Variants in IQGAP3 observed in about 807,000 individuals in gnomAD.
The protein encoded by IQGAP3 is ras GTPase-activating-like protein IQGAP3.
A neutral mutation model predicts 208.2 loss-of-function variants in IQGAP3; 165 were observed. The observed-to-expected ratio is 0.79, with a 90% CI of 0.70 to 0.90. The LOEUF (loss-of-function observed/expected upper bound fraction) is 0.90. Among genes scored for constraint, IQGAP3 ranks in the 40% least tolerant of loss-of-function variants. The pLI, the probability that IQGAP3 is intolerant of heterozygous loss-of-function variation, is 0.00. For synonymous variants in IQGAP3, 703 were observed against 803.6 expected (o/e 0.87, Z 2.12); for missense variants, 1,811 against 2,043.1 (o/e 0.89, Z 2.19).
chr1:156,542,413 C>G (rs1366452578), intron 22 of IQGAP3, among the ~76,000 whole-genome samples: 1 of 152,056 alleles, frequency 6.6e-6, no homozygotes, highest in Non-Finnish European at 1.5e-5. Context: ...TGGTCTTAAA[C>G]TCCTGACCTC....
chr1:156,532,902 G>A (rs911653104), intron 32 of IQGAP3, 78 bp downstream of exon 32: 17 of 1,517,116 alleles, frequency 1.1e-5, no homozygotes, highest in African/African-American at 5.5e-5. Flanking sequence ...TGGAATGGGC[G>A]CCTCAGAATA....
intron 10 of IQGAP3, 48 bp from the exon 11 acceptor site, chr1:156,561,069 G>T: frequency 7.1e-7 from 1 of 1,399,956 alleles, no homozygotes; most frequent in South Asian, 1.2e-5. Flanking sequence ...CCGGGGCCAT[G>T]ACCATGCTTT....
rs1674863811 is a variant in IQGAP3 at position 156,539,306 on chromosome 1, G to A, written c.3056+68C>T. Reference sequence around the variant, plus strand: ...TTAGGCCTCAACAAGTTGTCACCTTGTGAAGGAGCCAACAGGGGGATCTCT... The same window carrying A: ...TTAGGCCTCAACAAGTTGTCACCTTATGAAGGAGCCAACAGGGGGATCTCT... On this transcript the variant is annotated intron_variant, in intron 25 of 37. Coordinates refer to ENST00000361170, the MANE Select transcript of IQGAP3 (RefSeq NM_178229.5). The A allele has an allele frequency of 4.8e-6, 7 of 1,459,304 alleles. No homozygotes were observed. The South Asian group carries it at 4.8e-5, about 10-fold the overall frequency. The allele number at this position is 1,459,304 out of a possible 1,614,324, so 90.4% of individuals were successfully genotyped here.
intron 9 of IQGAP3, among the ~76,000 whole-genome samples, chr1:156,562,298 T>G (rs537463720): frequency 6.6e-6 from 1 of 151,354 alleles, no homozygotes; most frequent in Non-Finnish European, 1.5e-5. Flanking sequence ...TTCTCCACAT[T>G]GCCCCTCTCG....
intron 32 of IQGAP3, 26 bp from the exon 33 acceptor site, chr1:156,531,273 G>A: frequency 1.9e-6 from 3 of 1,583,398 alleles, no homozygotes; most frequent in Non-Finnish European, 2.6e-6. Context: ...AGTGACAGAG[G>A]AGAGGTAAGG....
In IQGAP3 at chr1:156,569,276, T is replaced by C. The variant is rs959044923; in HGVS notation, c.125+100A>G. 2.9e-5 allele frequency: 21 copies of C among 724,984 alleles called. 1 individual carries two copies. In the South Asian group the frequency reaches 3.4e-4, roughly 12 times the overall value. The allele number at this position is 724,984 out of a possible 1,614,324, so 44.9% of individuals were successfully genotyped here. A position where few individuals can be genotyped will look rare whatever the true frequency, so the allele number is the denominator to read the frequency against. ...TTTCAACTCGCCCTTTCCCACAGGATGGACTCTCGATCTGTTGCATTTGCT... is the reference window on the plus strand; with the variant it reads ...TTTCAACTCGCCCTTTCCCACAGGACGGACTCTCGATCTGTTGCATTTGCT... On this transcript the variant is annotated intron_variant, in intron 2 of 37. Coordinates refer to ENST00000361170, the MANE Select transcript of IQGAP3 (RefSeq NM_178229.5).
At chr1:156,551,222 G>T (rs1225017164) in intron 15 of IQGAP3, among the ~76,000 whole-genome samples, 1 of 152,120 alleles carries the variant, frequency 6.6e-6, no homozygotes, top group Non-Finnish European at 1.5e-5. Flanking sequence ...TAAGTAACAC[G>T]TGCAGGGTCA....
Position 156,534,722 on chromosome 1 carries a change from G to T in IQGAP3, c.3519C>A (p.Asn1173Lys). Residue 1173 changes from asparagine to lysine, a missense_variant, in exon 29 of 38, where the codon AAC (asparagine) becomes AAA (lysine). Transcript: ENST00000361170. Reference protein sequence around the residue: ...TDSEVYKVVGNLLYYRFLNPA... With the variant: ...TDSEVYKVVGKLLYYRFLNPA... The stretch of plus-strand genomic sequence containing the variant: ...GGTTCAGGAAGCGGTAGTACAGGAG[G>T]TTCCCGACCACCTGAGGGCAAAGGA... 3 of 1,568,666 alleles carry T rather than the reference G, an allele frequency of 1.9e-6. No individual in the cohort carries two copies. The highest frequency in any genetic ancestry group is 2.3e-5 in the East Asian group (1 of 43,766).
intron 34 of IQGAP3, among the ~76,000 whole-genome samples, chr1:156,529,564 T>A (rs1039514755): frequency 6.6e-6 from 1 of 152,018 alleles, no homozygotes; most frequent in Non-Finnish European, 1.5e-5. Flanking sequence ...GTGGGCAGAT[T>A]ACTTGAGGTC....
At chr1:156,529,285 C>T (rs1267221960) in intron 34 of IQGAP3, among the ~76,000 whole-genome samples, 1 of 152,230 alleles carries the variant, frequency 6.6e-6, no homozygotes, top group Non-Finnish European at 1.5e-5. Flanking sequence ...TGAGGACTAA[C>T]TGGTTTCAAG....
intron 32 of IQGAP3, among the ~76,000 whole-genome samples, chr1:156,532,211 AC>A (rs1184151750): frequency 6.6e-6 from 1 of 151,426 alleles, no homozygotes; most frequent in Non-Finnish European, 1.5e-5. Flanking sequence ...ACATGGTGAA[AC>A]CCCATCTCTA....
intron 31 of IQGAP3, 40 bp from the exon 32 acceptor site, chr1:156,533,146 C>T (rs973374314): frequency 3.7e-6 from 6 of 1,611,224 alleles, no homozygotes; most frequent in African/African-American, 1.3e-5. Flanking sequence ...CAGGCATACA[C>T]ACACACATGC....
intron 14 of IQGAP3, 28 bp downstream of exon 14, chr1:156,551,946 T>C (rs777299436): frequency 1.2e-6 from 2 of 1,608,268 alleles, no homozygotes; most frequent in South Asian, 1.1e-5. Context: ...AGTTGGGCCA[T>C]CTCCACCCAG....
chr1:156,537,305 C>G lies in IQGAP3; in HGVS notation c.3298G>C (p.Val1100Leu). ...TGQRSHLPYD[V>L]TPEQALSHPE... The stretch of plus-strand genomic sequence containing the variant: ...TGGCTCAAGGCCTGCTCCGGGGTGA[C>G]ATCATATGGGAGATGGCTATGAGCA... The change falls in exon 27 of 38, where the codon GTC becomes CTC. Residue 1100 changes from valine to leucine, a missense_variant. Coordinates refer to ENST00000361170, the MANE Select transcript of IQGAP3 (RefSeq NM_178229.5). The G allele has an allele frequency of 6.2e-7, 1 of 1,613,360 alleles. No individual in the cohort carries two copies. The highest frequency in any genetic ancestry group is 8.5e-7 in the Non-Finnish European group (1 of 1,179,634).
chr1:156,539,842 A>G lies in IQGAP3; in HGVS notation c.2888T>C (p.Leu963Pro). Residue 963 changes from leucine (L) to proline (P), a missense_variant, in exon 24 of 38, where the codon CTC (leucine) becomes CCC (proline). Leu to Pro is a moderately conservative substitution (Grantham distance 98). Coordinates refer to ENST00000361170, the MANE Select transcript of IQGAP3 (RefSeq NM_178229.5). Reference protein sequence around the residue: ...LEAYQHLFYLLQTQPIYLAKL... With the variant: ...LEAYQHLFYLPQTQPIYLAKL... ...CTTGGAAAGTCCTCTGCTAACCTGG[A>G]GCAGGTAGAAGAGGTGTTGGTATGC... 1.2e-6 allele frequency: 2 copies of G among 1,614,130 alleles called. No individual in the cohort carries two copies. Among genetic ancestry groups the G allele is most frequent in the Non-Finnish European group, 8.5e-7 (1 of 1,179,988 alleles).
rs1296597890 is a variant in IQGAP3, at chr1:156,526,492, C to A, written c.4890G>T (p.Arg1630=). Residue 1630 remains arginine, a synonymous_variant, in exon 38 of 38, where the codon CGG becomes CGT. Transcript: ENST00000361170. ...GTAGCACCCTTTGCCTCTGTCACTTCCGCAAAAACTTCTTGTTGAGGAGGA... is the reference window on the plus strand; with the variant it reads ...GTAGCACCCTTTGCCTCTGTCACTTACGCAAAAACTTCTTGTTGAGGAGGA... ...LIFLLNKKFL[R]K 2 of 1,611,754 alleles carry A rather than the reference C, an allele frequency of 1.2e-6. No homozygotes were observed. The highest frequency in any genetic ancestry group is 1.7e-6 in the Non-Finnish European group (2 of 1,177,808).
chr1:156,562,787 T>C (rs1443788125), intron 8 of IQGAP3, 122 bp from the exon 9 acceptor site: 15 of 889,246 alleles, frequency 1.7e-5, no homozygotes, highest in Non-Finnish European at 2.6e-5. Context: ...AAGTTCAGTC[T>C]GCTCAGAATT....
rs766870673 is a variant in IQGAP3 at position 156,563,770 on chromosome 1, T to C, written c.492A>G (p.Lys164=). ...AGCTGGGCTTACCTGTGAATTTCACTTTCCCGTATAGATCATGTATCTGAG... is the reference window on the plus strand; with the variant it reads ...AGCTGGGCTTACCTGTGAATTTCACCTTCCCGTATAGATCATGTATCTGAG... ...LAPQIHDLYG[K]VKFTAEELSN... Residue 164 remains lysine (K), a synonymous_variant, in exon 6 of 38, where the codon AAA becomes AAG. Transcript: ENST00000361170. 20 of 1,613,970 alleles carry C rather than the reference T, an allele frequency of 1.2e-5. No homozygotes were observed. The South Asian group carries it at 2.1e-4, about 17-fold the overall frequency.
rs1239833555 is a variant in IQGAP3 at position 156,556,556 on chromosome 1, C to T, written c.1267G>A (p.Ala423Thr). ...ACCCCCTGCTGCTGCTGGAGCACTG[C>T]CAGCTCCAGCTGGTACATAGACGAT... is the stretch of plus-strand genomic sequence containing the variant. Reference protein sequence around the residue: ...VASSMYQLELAVLQQQQGELG... With the variant: ...VASSMYQLELTVLQQQQGELG... Residue 423 changes from alanine to threonine, a missense_variant, in exon 12 of 38, where the codon GCA becomes ACA. By Grantham distance (58) the Ala-to-Thr change is moderately conservative. Transcript: ENST00000361170. 6 of 1,614,152 alleles carry T rather than the reference C, an allele frequency of 3.7e-6. No homozygotes were observed. The highest frequency in any genetic ancestry group is 5.1e-6 in the Non-Finnish European group (6 of 1,180,014).
Sources: allele counts gnomAD v4.1 joint callset (sites outside exome capture counted in the v4.1 genomes callset), GRCh38; gene constraint gnomAD v4.1.1; transcripts MANE v1.5; gene names NCBI Gene and HGNC (gene_info 2026-07-23, HGNC 2026-07-21).